The following CTNNA2 variants were observed in gnomAD, a reference collection of about 807,000 sequenced individuals.
The protein encoded by CTNNA2 is catenin alpha-2.
A neutral mutation model predicts 101.0 loss-of-function variants in CTNNA2; 42 were observed. The observed-to-expected ratio is 0.42, with a 90% confidence interval of 0.32 to 0.54. The LOEUF is 0.54. Ranked by LOEUF, CTNNA2 falls within the 20% of genes least tolerant of loss-of-function variation. CTNNA2 has a pLI of 0.14. For missense variants in CTNNA2, 871 were observed against 1,223.1 expected, an observed-to-expected ratio of 0.71 and a Z score of 4.29; for synonymous variants, 450 against 456.4, an observed-to-expected ratio of 0.99 and a Z score of 0.18.
Position 79,235,123 on chromosome 2 carries a change from T to C in CTNNA2, c.-406+37047T>C, listed in dbSNP as rs1012096840. ...TGGCTTATGGAGTTTCCAGAATTCT[T>C]GCATTGATTCTTTCTCATGTGGAAG... is the stretch of plus-strand genomic sequence containing the variant. On this transcript the variant is annotated intron_variant, in intron 2 of 21. Coordinates refer to the CTNNA2 transcript ENST00000466387. Among the ~76,000 whole-genome samples the C allele has an allele frequency of 3.3e-5, 5 of 152,192 alleles. No individual in the cohort carries two copies. In the South Asian group the frequency reaches 6.2e-4, roughly 19 times the overall value.
chr2:79,241,486 G>A (rs1280409772), intron 2 of CTNNA2, among the ~76,000 whole-genome samples: 2 of 152,048 alleles, frequency 1.3e-5, no homozygotes, highest in Non-Finnish European at 2.9e-5. Flanking sequence ...AACAATTGAT[G>A]AGACAAAATT....
In CTNNA2 at chr2:79,403,247, A is replaced by G. The variant is rs556627432; in HGVS notation, c.-135+29234A>G. 2.8e-4 allele frequency among the ~76,000 whole-genome samples: 43 copies of G among 152,048 alleles called. No homozygotes were observed. The South Asian group carries it at 7.0e-3, about 25-fold the overall frequency. On this transcript the variant is annotated intron_variant, in intron 4 of 21. Coordinates refer to the CTNNA2 transcript ENST00000466387. ...TTCATTACTTTAAAATTTAGAGTTTATATTAAACAAATTACAACTCTAAAC... is the reference window on the plus strand; with the variant it reads ...TTCATTACTTTAAAATTTAGAGTTTGTATTAAACAAATTACAACTCTAAAC...
chr2:79,769,102 G>A lies in CTNNA2; in HGVS notation c.298+24520G>A, dbSNP rs375200912. ...GATCTCCTGACCTCGTGATCCGCCC[G>A]GCTCGGCCTCCCAAAGTGCTGGGAT... On this transcript the variant is annotated intron_variant, in intron 3 of 18. Coordinates refer to ENST00000402739, the MANE Select transcript of CTNNA2 (RefSeq NM_001282597.3). Among the ~76,000 whole-genome samples the A allele has an allele frequency of 6.9e-3, 1,056 of 152,166 alleles. 6 individuals carry two copies. Among genetic ancestry groups the A allele is most frequent in the South Asian group, 0.024 (117 of 4,816 alleles).
chr2:79,965,178 C>G (rs916288887), intron 7 of CTNNA2, among the ~76,000 whole-genome samples: 4 of 152,146 alleles, frequency 2.6e-5, no homozygotes, highest in African/African-American at 9.7e-5. Context: ...CCCTGTAACA[C>G]ATCGTGGGAG....
At chr2:79,724,788 C>T (rs555525421) in intron 2 of CTNNA2, among the ~76,000 whole-genome samples, 7 of 130,804 alleles carry the variant, frequency 5.4e-5, no homozygotes, top group South Asian at 5.0e-4. Flanking sequence ...GCATTCCAGC[C>T]GGGGCGACAG....
At chr2:80,032,387 T>C (rs2104202429) in intron 7 of CTNNA2, among the ~76,000 whole-genome samples, 1 of 152,332 alleles carries the variant, frequency 6.6e-6, no homozygotes, top group South Asian at 2.1e-4. Context: ...TGAGGTGGGA[T>C]TTATTGGAGC....
intron 2 of CTNNA2, among the ~76,000 whole-genome samples, chr2:79,308,140 G>A (rs1676288554): frequency 6.6e-6 from 1 of 152,126 alleles, no homozygotes; most frequent in African/African-American, 2.4e-5. Context: ...AGCTTCCCAG[G>A]TTCAAGTGAT....
At chr2:79,313,457 T>C (rs1676428679) in intron 3 of CTNNA2, among the ~76,000 whole-genome samples, 1 of 152,228 alleles carries the variant, frequency 6.6e-6, no homozygotes, top group Non-Finnish European at 1.5e-5. Flanking sequence ...GTATAGTTAC[T>C]ATTTCTTTTA....
intron 3 of CTNNA2, among the ~76,000 whole-genome samples, chr2:79,808,256 A>G (rs1199153876): frequency 6.6e-6 from 1 of 152,172 alleles, no homozygotes; most frequent in Non-Finnish European, 1.5e-5. Context: ...GGTTGCATGT[A>G]TGAAAGAGGA....
At chr2:79,856,207 T>C (rs1385551491) in intron 3 of CTNNA2, among the ~76,000 whole-genome samples, 1 of 152,256 alleles carries the variant, frequency 6.6e-6, no homozygotes, top group Non-Finnish European at 1.5e-5. Context: ...TAGCCTCTTT[T>C]AAAAATCCAA....
intron 7 of CTNNA2, among the ~76,000 whole-genome samples, chr2:80,275,243 T>C (rs1011455262): frequency 2.0e-4 from 31 of 152,310 alleles, no homozygotes; most frequent in African/African-American, 5.8e-4. Flanking sequence ...CTTTTGTTGA[T>C]CATACCAAAA....
intron 7 of CTNNA2, among the ~76,000 whole-genome samples, chr2:79,986,591 G>A (rs1020658964): frequency 3.3e-5 from 5 of 152,162 alleles, no homozygotes; most frequent in African/African-American, 1.2e-4. Context: ...TGCAGGTGGA[G>A]GGGCTAACTT....
At chr2:80,130,866 C>T (rs1283045230) in intron 7 of CTNNA2, among the ~76,000 whole-genome samples, 1 of 149,816 alleles carries the variant, frequency 6.7e-6, no homozygotes, top group Non-Finnish European at 1.5e-5. Flanking sequence ...ATGAGGCTTA[C>T]AACAAGAGTA....
At chr2:80,218,867 A>G (rs1396152916) in intron 7 of CTNNA2, among the ~76,000 whole-genome samples, 1 of 152,218 alleles carries the variant, frequency 6.6e-6, no homozygotes, top group Non-Finnish European at 1.5e-5. Context: ...GCTTAGAATT[A>G]TCTGAGGTAT....
chr2:80,647,450 G>C, intron 18 of CTNNA2, 135 bp from the exon 19 acceptor site: 1 of 725,966 alleles, frequency 1.4e-6, no homozygotes. Context: ...CTTAACTTGT[G>C]ATAATTTGCT....
At chr2:79,693,467 TC>T in intron 2 of CTNNA2, among the ~76,000 whole-genome samples, 1 of 152,014 alleles carries the variant, frequency 6.6e-6, no homozygotes, top group South Asian at 2.1e-4. Context: ...ATCTATTTTT[TC>T]AAATTTCAAA....
intron 9 of CTNNA2, among the ~76,000 whole-genome samples, chr2:80,538,819 A>C (rs1021512761): frequency 2.0e-5 from 3 of 152,202 alleles, no homozygotes; most frequent in Non-Finnish European, 1.5e-5. Flanking sequence ...TTTGGGCAGT[A>C]TGGCAATTTT....
chr2:80,135,306 A>G lies in CTNNA2; in HGVS notation c.1056+225509A>G, dbSNP rs111540177. On this transcript the variant is annotated intron_variant, in intron 7 of 18. Coordinates refer to ENST00000402739, the MANE Select transcript of CTNNA2 (RefSeq NM_001282597.3). The stretch of plus-strand genomic sequence containing the variant: ...ACAAATGGAGTTTTCCCAAGGAGAC[A>G]GATGTCAGCGGCTCAAAAGCCAGCA... Among the ~76,000 whole-genome samples the G allele has an allele frequency of 4.2e-3, 637 of 152,342 alleles. 2 individuals are homozygous for G. Among genetic ancestry groups the G allele is most frequent in the East Asian group, 0.02 (106 of 5,172 alleles).
At chr2:80,369,920 G>A (rs1052154987) in intron 7 of CTNNA2, among the ~76,000 whole-genome samples, 1 of 152,112 alleles carries the variant, frequency 6.6e-6, no homozygotes, top group African/African-American at 2.4e-5. Context: ...ACCACACCTT[G>A]ATTTCAATGC....
Sources: gnomAD v4.1 joint callset for allele counts (sites outside exome capture counted in the v4.1 genomes callset) on GRCh38, gnomAD v4.1.1 for gene constraint, MANE v1.5 for transcripts, NCBI Gene and HGNC (gene_info 2026-07-23, HGNC 2026-07-21) for gene names.